The following BDP1 variants were observed in gnomAD, a reference collection of about 807,000 sequenced individuals.
The protein encoded by BDP1 is BDP1 general transcription factor IIIB subunit, also known as transcription factor TFIIIB component B'' homolog.
In BDP1, 169 loss-of-function variants were observed where a neutral mutation model predicts 266.6. The observed-to-expected ratio is 0.63, with a 90% CI of 0.56 to 0.72. The LOEUF (loss-of-function observed/expected upper bound fraction) is 0.72. BDP1 is among the 30% of genes least tolerant of loss of function. BDP1 has a pLI of 0.00. For missense variants in BDP1, 3,015 were observed against 3,053.8 expected (o/e 0.99, Z 0.30); for synonymous variants, 1,090 against 1,022.4 (o/e 1.07, Z -1.26).
intron 34 of BDP1, among the ~76,000 whole-genome samples, chr5:71,552,550 G>A (rs1258580492): frequency 1.3e-5 from 2 of 152,378 alleles, no homozygotes; most frequent in South Asian, 4.1e-4. Context: ...GAGTGAACAA[G>A]ACTCCGTCTG....
chr5:71,550,794 C>T (rs1416394404), intron 34 of BDP1, among the ~76,000 whole-genome samples: 1 of 152,148 alleles, frequency 6.6e-6, no homozygotes, highest in African/African-American at 2.4e-5. Flanking sequence ...CAACCTCCAC[C>T]TCCCGGGTTC....
Position 71,500,415 on chromosome 5 carries a change from C to T in BDP1, c.1957-1147C>T, listed in dbSNP as rs1278821286. Reference sequence around the variant, plus strand: ...TTTCGGCTCACAGCAACCTCCGCCTCCTGGGTTCAGGCGATTCCCCTGCCC... The same window carrying T: ...TTTCGGCTCACAGCAACCTCCGCCTTCTGGGTTCAGGCGATTCCCCTGCCC... On this transcript the variant is annotated intron_variant, in intron 13 of 38. Coordinates refer to ENST00000358731, the MANE Select transcript of BDP1 (RefSeq NM_018429.3). 3.4e-5 allele frequency among the ~76,000 whole-genome samples: 5 copies of T among 146,418 alleles called. No individual in the cohort carries two copies. In the Admixed American group the frequency reaches 3.5e-4, roughly 10 times the overall value.
At chr5:71,551,094 GTTGTTTA>G (rs1188089459) in intron 34 of BDP1, among the ~76,000 whole-genome samples, 3 of 100,204 alleles carry the variant, frequency 3.0e-5, no homozygotes, top group Non-Finnish European at 6.3e-5. Context: ...TTATTTTTTA[GTTGTTTA>G]TTTATTTATT....
intron 28 of BDP1, 89 bp from the exon 29 acceptor site, chr5:71,541,365 G>C (rs565591038): frequency 3.4e-6 from 2 of 589,390 alleles, no homozygotes; most frequent in Non-Finnish European, 5.8e-6. Flanking sequence ...TAATAATACA[G>C]AATTTTACAA....
At chr5:71,497,852 T>C (rs921404996) in intron 13 of BDP1, among the ~76,000 whole-genome samples, 3 of 152,164 alleles carry the variant, frequency 2.0e-5, no homozygotes, top group Non-Finnish European at 4.4e-5. Context: ...GCAATGGCAG[T>C]ATTATGGCTC....
At chr5:71,490,339 T>C (rs1348079550) in intron 10 of BDP1, among the ~76,000 whole-genome samples, 1 of 152,342 alleles carries the variant, frequency 6.6e-6, no homozygotes, top group South Asian at 2.1e-4. Context: ...GCTAACATAG[T>C]ATGCTTTGTA....
chr5:71,561,110 G>GA (rs907130816), intron 37 of BDP1, among the ~76,000 whole-genome samples: 6 of 143,732 alleles, frequency 4.2e-5, no homozygotes, highest in African/African-American at 1.0e-4. Context: ...TCTGAAAAAA[G>GA]AAAAAAAAAG....
At chr5:71,557,529 C>T (rs1174306363) in intron 36 of BDP1, among the ~76,000 whole-genome samples, 1 of 151,986 alleles carries the variant, frequency 6.6e-6, no homozygotes, top group Non-Finnish European at 1.5e-5. Flanking sequence ...GGACTACAGG[C>T]ACCTGCCACC....
intron 20 of BDP1, 65 bp downstream of exon 20, chr5:71,515,187 T>C (rs1765156638): frequency 8.2e-7 from 1 of 1,225,540 alleles, no homozygotes; most frequent in African/African-American, 1.6e-5. Context: ...ATTTCTAATT[T>C]TTATTGAGAT....
chr5:71,493,668 ACAC>A (rs1763724534), intron 11 of BDP1, among the ~76,000 whole-genome samples: 1 of 152,228 alleles, frequency 6.6e-6, no homozygotes, highest in South Asian at 2.1e-4. Flanking sequence ...GTTTTAAAAA[ACAC>A]CAACTTTGCA....
chr5:71,488,419 G>A (rs187789963), intron 9 of BDP1, among the ~76,000 whole-genome samples: 13 of 148,138 alleles, frequency 8.8e-5, no homozygotes, highest in South Asian at 4.4e-4. Flanking sequence ...GAGCCACCAC[G>A]CCCAGCCAGA....
chr5:71,515,233 T>C, intron 20 of BDP1, 111 bp downstream of exon 20: 2 of 852,010 alleles, frequency 2.3e-6, no homozygotes, highest in Non-Finnish European at 3.5e-6. Flanking sequence ...ATAAAGAATA[T>C]TGGTTTAATT....
chr5:71,572,775 C>G (rs10077085), downstream of BDP1, among the ~76,000 whole-genome samples: 119,098 of 152,072 alleles, frequency 0.78, 47,310 homozygotes, highest in East Asian at 0.87. Flanking sequence ...ATTAAAACAG[C>G]CTCATGAAAA....
At chr5:71,487,433 C>T (rs1469097394) in intron 9 of BDP1, among the ~76,000 whole-genome samples, 6 of 152,010 alleles carry the variant, frequency 3.9e-5, no homozygotes, top group South Asian at 4.2e-4. Flanking sequence ...TTAGTAGAGA[C>T]GGGGTTTCAC....
chr5:71,519,932 C>T (rs966785487), intron 22 of BDP1, among the ~76,000 whole-genome samples: 1 of 152,138 alleles, frequency 6.6e-6, no homozygotes, highest in African/African-American at 2.4e-5. Context: ...TTCCCACGAA[C>T]AGCCTATGAG....
chr5:71,487,459 G>A (rs1763333730), intron 9 of BDP1, among the ~76,000 whole-genome samples: 1 of 152,234 alleles, frequency 6.6e-6, no homozygotes, highest in African/African-American at 2.4e-5. Flanking sequence ...TAGCCAGGAT[G>A]GTCTTGATCT....
intron 1 of BDP1, among the ~76,000 whole-genome samples, chr5:71,457,547 C>G (rs1307436870): frequency 6.6e-6 from 1 of 152,066 alleles, no homozygotes; most frequent in African/African-American, 2.4e-5. Flanking sequence ...AACTCCTGAC[C>G]TCAAGTGATC....
chr5:71,488,034 T>A (rs1056300148), intron 9 of BDP1, among the ~76,000 whole-genome samples: 5 of 149,712 alleles, frequency 3.3e-5, no homozygotes, highest in Middle Eastern at 3.4e-3. Flanking sequence ...CTTAGTAGTC[T>A]TTTTTTTTTA....
At chr5:71,516,397 T>C (rs1765225084) in intron 21 of BDP1, 126 bp downstream of exon 21, 3 of 685,338 alleles carry the variant, frequency 4.4e-6, no homozygotes, top group Admixed American at 3.5e-5. Context: ...CAGTTTCCAG[T>C]TTTGTTTCAG....
Sources: gnomAD v4.1 joint callset for allele counts (sites outside exome capture counted in the v4.1 genomes callset) on GRCh38, gnomAD v4.1.1 for gene constraint, MANE v1.5 for transcripts, NCBI Gene and HGNC (gene_info 2026-07-23, HGNC 2026-07-21) for gene names.